The following CEP85L variants were observed in gnomAD, a reference collection of about 807,000 sequenced individuals.
The protein encoded by CEP85L is centrosomal protein 85L, also known as centrosomal protein of 85 kDa-like.
A neutral mutation model predicts 100.3 loss-of-function variants in CEP85L; 60 were observed. That is an observed-to-expected ratio of 0.60 (90% CI 0.49 to 0.74). The LOEUF (loss-of-function observed/expected upper bound fraction) is 0.74, where lower values mean the gene tolerates loss of function less well. Among genes scored for constraint, CEP85L ranks in the 30% least tolerant of loss-of-function variants. The pLI is 0.00. For missense variants in CEP85L, 973 were observed against 936.2 expected, an observed-to-expected ratio of 1.04 and a Z score of -0.51; for synonymous variants, 319 against 322.7, an observed-to-expected ratio of 0.99 and a Z score of 0.12.
At chr6:118,553,215 TAAAAAA>T (rs59502810) in intron 3 of CEP85L, among the ~76,000 whole-genome samples, 1 of 138,936 alleles carries the variant, frequency 7.2e-6, no homozygotes, top group Non-Finnish European at 1.6e-5. Context: ...GTTAAGAAAT[TAAAAAA>T]AAAAAAAAAA....
intron 4 of CEP85L, among the ~76,000 whole-genome samples, chr6:118,513,695 C>A (rs1416910649): frequency 6.6e-6 from 1 of 151,892 alleles, no homozygotes; most frequent in Non-Finnish European, 1.5e-5. Flanking sequence ...AAATAAAGAT[C>A]TTTTTTGGAA....
In CEP85L at chr6:118,566,138, A is replaced by G; in HGVS notation, c.411T>C (p.Ser137=). The G allele has an allele frequency of 2.5e-6, 4 of 1,613,914 alleles. No individual in the cohort carries two copies. The Admixed American group carries it at 5.0e-5, about 20-fold the overall frequency. The change falls in exon 3 of 13, where the codon AGT becomes AGC. Residue 137 remains serine (S), a synonymous_variant. Transcript: ENST00000368491. ...CTAGGGAAGAGTCCTGCTCCCCCCT[A>G]CTGTGGTTTCCCAATGTTTGCATGA... ...TSLMQTLGNH[S]RGEQDSSLDM...
At chr6:118,609,188 G>T (rs887302677) in intron 2 of CEP85L, among the ~76,000 whole-genome samples, 1 of 152,186 alleles carries the variant, frequency 6.6e-6, no homozygotes, top group Non-Finnish European at 1.5e-5. Flanking sequence ...ACAGCAAAAG[G>T]TCTGGAAGAA....
chr6:118,472,137 C>T (rs1029230925), intron 10 of CEP85L, among the ~76,000 whole-genome samples: 8 of 151,676 alleles, frequency 5.3e-5, no homozygotes, highest in Admixed American at 5.3e-4. Context: ...TAACAGAATA[C>T]AGTCCTTTAA....
rs538255130 is a variant in CEP85L at position 118,612,903 on chromosome 6, G to A, written c.232+19550C>T. The stretch of plus-strand genomic sequence containing the variant: ...ACTGCTACCAAAACTGAAAAACAAG[G>A]CAGGAAGACACAAATTAACAATAAC... On this transcript the variant is annotated intron_variant, in intron 2 of 12. Transcript: ENST00000368491. 6.8e-4 allele frequency among the ~76,000 whole-genome samples: 104 copies of A among 151,998 alleles called. 2 individuals are homozygous for A. The highest frequency in any genetic ancestry group is 2.3e-3 in the South Asian group (11 of 4,794).
At chr6:118,673,951 A>T (rs1284348426) in intron 1 of CEP85L, among the ~76,000 whole-genome samples, 1 of 152,378 alleles carries the variant, frequency 6.6e-6, no homozygotes, top group East Asian at 1.9e-4. Flanking sequence ...AAAGATGCTG[A>T]GTTACCAACA....
chr6:118,573,847 C>A (rs970539001), intron 2 of CEP85L: 2 of 152,134 alleles, frequency 1.3e-5, no homozygotes, highest in African/African-American at 4.8e-5. Context: ...TCAAATGAAT[C>A]AATAGGCCTA....
At chr6:118,523,967 A>C (rs771893179) in intron 3 of CEP85L, 47 bp from the exon 4 acceptor site, 2 of 736,332 alleles carry the variant, frequency 2.7e-6, no homozygotes, top group Non-Finnish European at 4.2e-6. Flanking sequence ...TATTTAAAGA[A>C]AATATTTATA....
chr6:118,472,637 C>G (rs1008834695), intron 10 of CEP85L, among the ~76,000 whole-genome samples: 1 of 152,082 alleles, frequency 6.6e-6, no homozygotes, highest in Non-Finnish European at 1.5e-5. Context: ...CTCTTAAGCT[C>G]TTAAAATATA....
At chr6:118,646,495 C>A (rs1020465854) in intron 1 of CEP85L, among the ~76,000 whole-genome samples, 1 of 151,608 alleles carries the variant, frequency 6.6e-6, no homozygotes, top group African/African-American at 2.4e-5. Flanking sequence ...ATGGTGAAAC[C>A]CCGACTCTAC....
At chr6:118,558,346 T>C (rs1175914440) in intron 3 of CEP85L, among the ~76,000 whole-genome samples, 3 of 152,146 alleles carry the variant, frequency 2.0e-5, no homozygotes, top group Non-Finnish European at 4.4e-5. Context: ...ATTGAGAAGT[T>C]TGGTGATGTT....
intron 7 of CEP85L, among the ~76,000 whole-genome samples, chr6:118,482,407 CTG>C (rs1773856440): frequency 6.6e-6 from 1 of 152,132 alleles, no homozygotes. Flanking sequence ...CTTTCTATCT[CTG>C]TGATTGAATT....
In CEP85L at chr6:118,692,310, G is replaced by A. The variant is rs551237069; in HGVS notation, c.-28+17726C>T. Among the ~76,000 whole-genome samples, 53 of 152,284 alleles carry A rather than the reference G, an allele frequency of 3.5e-4. 1 individual carries two copies. Among genetic ancestry groups the A allele is most frequent in the African/African-American group, 1.2e-3 (50 of 41,542 alleles). On this transcript the variant is annotated intron_variant, in intron 1 of 13. Coordinates refer to the CEP85L transcript ENST00000368488. ...TTGTTACATTCTAACCTTCAGTAAA[G>A]CTTAATTGGGCATCAATTCTGCCTC...
chr6:118,612,637 G>C (rs566183168), intron 2 of CEP85L, among the ~76,000 whole-genome samples: 135 of 124,834 alleles, frequency 1.1e-3, no homozygotes, highest in African/African-American at 3.8e-3. Context: ...CTCTAGCCTG[G>C]GCGACAGAGT....
chr6:118,697,195 A>G (rs1777242323), intron 1 of CEP85L, among the ~76,000 whole-genome samples: 1 of 152,170 alleles, frequency 6.6e-6, no homozygotes, highest in South Asian at 2.1e-4. Context: ...ATAAAGTCAC[A>G]TGGAGGAGCT....
intron 1 of CEP85L, among the ~76,000 whole-genome samples, chr6:118,661,400 G>C (rs1031530097): frequency 8.6e-5 from 13 of 151,658 alleles, no homozygotes; most frequent in South Asian, 4.2e-4. Context: ...TTAAAAATAA[G>C]GTATTTCAAA....
At chr6:118,561,497 A>G (rs891935732) in intron 3 of CEP85L, among the ~76,000 whole-genome samples, 1 of 152,146 alleles carries the variant, frequency 6.6e-6, no homozygotes, top group African/African-American at 2.4e-5. Context: ...CATAAAGTGT[A>G]AAGAATAAGA....
intron 2 of CEP85L, among the ~76,000 whole-genome samples, chr6:118,573,608 C>G (rs536376135): frequency 6.6e-6 from 1 of 152,220 alleles, no homozygotes; most frequent in East Asian, 1.9e-4. Flanking sequence ...TAACTCACAA[C>G]AGGGGTGACT....
At chr6:118,576,889 T>A (rs79881104) in intron 2 of CEP85L, among the ~76,000 whole-genome samples, 4,390 of 97,436 alleles carry the variant, frequency 0.045, 104 homozygotes, top group Admixed American at 0.07. Context: ...AAATATTCCA[T>A]CTGCACGCTA....
Sources: gnomAD v4.1 joint callset for allele counts (sites outside exome capture counted in the v4.1 genomes callset) on GRCh38, gnomAD v4.1.1 for gene constraint, MANE v1.5 for transcripts, NCBI Gene and HGNC (gene_info 2026-07-23, HGNC 2026-07-21) for gene names.